Variants in E2F8 observed in about 807,000 individuals in gnomAD.
The protein encoded by E2F8 is transcription factor E2F8.
In E2F8, 35 loss-of-function variants were observed where a neutral mutation model predicts 80.8. The observed-to-expected ratio is 0.43, with a 90% CI of 0.33 to 0.57. E2F8 has a LOEUF of 0.57. Among genes scored for constraint, E2F8 ranks in the 20% least tolerant of loss-of-function variants. E2F8 has a pLI of 0.04. For synonymous variants in E2F8, 386 were observed against 395.0 expected (o/e 0.98, Z 0.27); for missense variants, 975 against 1,056.2 (o/e 0.92, Z 1.07).
At position 19,234,510 on chromosome 11, in the gene E2F8, TG is replaced by T; in HGVS notation, c.777del (p.Asn259LysfsTer8). The T allele has an allele frequency of 6.2e-7, 1 of 1,613,762 alleles. No homozygotes were observed. Among genetic ancestry groups the T allele is most frequent in the Non-Finnish European group, 8.5e-7 (1 of 1,179,950 alleles). On this transcript the variant is annotated frameshift_variant, in exon 6 of 13. Coordinates refer to ENST00000250024, the MANE Select transcript of E2F8 (RefSeq NM_024680.4). LOFTEE classifies it high-confidence loss of function. The stretch of plus-strand genomic sequence containing the variant: ...ACCCTTAAAGACTTGTCTTTGCGGC[TG>T]TTTACAGAAGCTTTAGAGAAGGATG... Reference protein sequence around the residue: ...PGVEFRAASVNSRKDKSLRVM... With the variant: ...PGVEFRAASVXSRKDKSLRVM...
chr11:19,228,055 A>G (rs866008417), intron 10 of E2F8, among the ~76,000 whole-genome samples: 2 of 152,232 alleles, frequency 1.3e-5, no homozygotes, highest in Non-Finnish European at 2.9e-5. Context: ...ACTGCACTCC[A>G]TTCTGGGTGA....
intron 3 of E2F8, 99 bp downstream of exon 3, chr11:19,237,755 T>G: frequency 4.1e-6 from 6 of 1,454,126 alleles, no homozygotes; most frequent in Non-Finnish European, 5.6e-6. Context: ...AGCCTTCGGG[T>G]GGTGATGCTT....
At chr11:19,232,992 AT>A (rs1851420448) in intron 6 of E2F8, among the ~76,000 whole-genome samples, 1 of 152,186 alleles carries the variant, frequency 6.6e-6, no homozygotes, top group African/African-American at 2.4e-5. Flanking sequence ...CTTCCTAGCC[AT>A]ATCAGAAGGT....
Position 19,229,361 on chromosome 11 carries a change from A to T in E2F8, c.1893+93T>A, listed in dbSNP as rs1179091333. The T allele has an allele frequency of 1.3e-6, 2 of 1,486,174 alleles. No individual in the cohort carries two copies. The highest frequency in any genetic ancestry group is 2.8e-5 in the African/African-American group (2 of 71,014). 92.1% of individuals were successfully genotyped at this position (1,486,174 alleles called of 1,614,324 possible). ...AAGGAACAGTTCCTTGTCTTCTGAG[A>T]GAATGCTCTTCGGTAAATTTCACAA... On this transcript the variant is annotated intron_variant, in intron 10 of 12. Transcript: ENST00000250024. The surrounding 1 kb of genome is among the most constrained non-coding windows in gnomAD (Gnocchi z 4.3).
chr11:19,224,711 T>C lies in E2F8; in HGVS notation c.2551A>G (p.Thr851Ala). 1.2e-6 allele frequency: 2 copies of C among 1,614,170 alleles called. No homozygotes were observed. Among genetic ancestry groups the C allele is most frequent in the Non-Finnish European group, 8.5e-7 (1 of 1,180,024 alleles). ...FEGANKTSLG[T>A]LFVPQRKLEV... Reference sequence around the variant, plus strand: ...AGTTTTCGCTGTGGGACAAAGAGAGTTCCTAAGGAGGTTTTATTAGCACCC... The same window carrying C: ...AGTTTTCGCTGTGGGACAAAGAGAGCTCCTAAGGAGGTTTTATTAGCACCC... The change falls in exon 13 of 13, where the codon ACT (threonine) becomes GCT (alanine). Residue 851 changes from threonine to alanine, a missense_variant. By Grantham distance (58) the Thr-to-Ala change is moderately conservative (BLOSUM62 0). Coordinates refer to ENST00000250024, the MANE Select transcript of E2F8 (RefSeq NM_024680.4).
In E2F8 at chr11:19,235,072, G is replaced by A. The variant is rs756987120; in HGVS notation, c.452-14C>T. ...GACGTTCAACATCTACAAAGAATGT[G>A]CAATTGTGTGTTACAGATTTTTGTA... On this transcript the variant is annotated splice_polypyrimidine_tract_variant and intron_variant, in intron 4 of 12. Transcript: ENST00000250024. The A allele has an allele frequency of 1.3e-5, 20 of 1,582,556 alleles. No homozygotes were observed. In the Admixed American group the frequency reaches 2.5e-4, roughly 20 times the overall value.
At chr11:19,227,070 G>C (rs1245257146) in intron 10 of E2F8, among the ~76,000 whole-genome samples, 1 of 152,186 alleles carries the variant, frequency 6.6e-6, no homozygotes, top group Non-Finnish European at 1.5e-5. Flanking sequence ...GCCTTACCAT[G>C]AGCGGGACTG....
At position 19,229,756 on chromosome 11, in the gene E2F8, G is replaced by A. The variant is rs1851325433; in HGVS notation, c.1591C>T (p.His531Tyr). The A allele has an allele frequency of 6.2e-7, 1 of 1,614,088 alleles. No individual in the cohort carries two copies. The highest frequency in any genetic ancestry group is 1.1e-5 in the South Asian group (1 of 91,090). ...CCTTGGGGTGGCGTCACACTTTGGT[G>A]GGCTTGAGTGGGCTGCAGGTAGATG... is the stretch of plus-strand genomic sequence containing the variant. The part of the protein sequence containing the change: ...YAIYLQPTQA[H>Y]QSVTPPQGLS... Residue 531 changes from histidine to tyrosine, a missense_variant, in exon 10 of 13, where the codon CAC becomes TAC. Coordinates refer to ENST00000250024, the MANE Select transcript of E2F8 (RefSeq NM_024680.4). The surrounding 1 kb of genome is among the most constrained non-coding windows in gnomAD (Gnocchi z 4.3).
chr11:19,230,991 T>A (rs1367175883), intron 7 of E2F8, among the ~76,000 whole-genome samples, 157 bp from the exon 8 acceptor site: 1 of 152,224 alleles, frequency 6.6e-6, no homozygotes, highest in African/African-American at 2.4e-5. Flanking sequence ...GCCTTGTTTA[T>A]CTTATTAAAT....
chr11:19,228,641 C>G (rs954578100), intron 10 of E2F8, among the ~76,000 whole-genome samples: 2 of 152,154 alleles, frequency 1.3e-5, no homozygotes, highest in African/African-American at 4.8e-5. Flanking sequence ...AAAAATAAGA[C>G]AGAGAGAAGT....
In E2F8 at chr11:19,224,484, T is replaced by C. The variant is rs575652508; in HGVS notation, c.*174A>G. Reference sequence around the variant, plus strand: ...ATACAAATATATGTGTGTGTGTGTGTGTGTGTGTGTGTGTATATATATATA... The same window carrying C: ...ATACAAATATATGTGTGTGTGTGTGCGTGTGTGTGTGTGTATATATATATA... On this transcript the variant is annotated 3_prime_UTR_variant, in exon 13 of 13. Transcript: ENST00000250024. The C allele has an allele frequency of 8.4e-5, 45 of 534,714 alleles. No homozygotes were observed. The African/African-American group carries it at 8.6e-4, about 10-fold the overall frequency. 33.1% of individuals were successfully genotyped at this position (534,714 alleles called of 1,614,324 possible). A position where few individuals can be genotyped will look rare whatever the true frequency, so the allele number is the denominator to read the frequency against.
Position 19,229,807 on chromosome 11 carries a change from G to T in E2F8, c.1540C>A (p.Gln514Lys). The change falls in exon 10 of 13, where the codon CAG becomes AAG. Residue 514 changes from glutamine (Q) to lysine (K), a missense_variant. Physicochemically the swap from Gln to Lys is moderately conservative, Grantham distance 53. Transcript: ENST00000250024. The surrounding 1 kb of genome is among the most constrained non-coding windows in gnomAD (Gnocchi z 4.3). Reference protein sequence around the residue: ...LSSAVPLILPQAPSGPSYAIY... With the variant: ...LSSAVPLILPKAPSGPSYAIY... Reference sequence around the variant, plus strand: ...GCATAGGATGGGCCTGAAGGGGCCTGAGGTAGGATCAGGGGCACTGCTGAT... The same window carrying T: ...GCATAGGATGGGCCTGAAGGGGCCTTAGGTAGGATCAGGGGCACTGCTGAT... 6.2e-7 allele frequency: 1 copy of T among 1,614,000 alleles called. No individual in the cohort carries two copies. The highest frequency in any genetic ancestry group is 8.5e-7 in the Non-Finnish European group (1 of 1,179,942).
chr11:19,225,699 C>A, intron 11 of E2F8, 33 bp downstream of exon 11: 1 of 1,613,170 alleles, frequency 6.2e-7, no homozygotes. Flanking sequence ...TTGAGACCGG[C>A]CCACATCTGG....
rs147168485 is a variant in E2F8, at chr11:19,239,054, T to A, written c.16-922A>T. Among the ~76,000 whole-genome samples, 175 of 152,316 alleles carry A rather than the reference T, an allele frequency of 1.1e-3. 2 individuals carry two copies. Among genetic ancestry groups the A allele is most frequent in the African/African-American group, 3.9e-3 (163 of 41,554 alleles). On this transcript the variant is annotated intron_variant, in intron 2 of 12. Transcript: ENST00000250024. ...ACTTCACACACTACTCCCATCTTTA[T>A]CTATTTTAAAGAAAATGCTTGGAAC... is the stretch of plus-strand genomic sequence containing the variant.
Position 19,228,622 on chromosome 11 carries a change from C to A in E2F8, c.1893+832G>T, listed in dbSNP as rs1314197595. 2.0e-5 allele frequency among the ~76,000 whole-genome samples: 3 copies of A among 152,260 alleles called. No individual in the cohort carries two copies. The East Asian group carries it at 5.8e-4, about 29-fold the overall frequency. ...AAAAACTGGTGGAATAAATTCTTTA[C>A]CGATGCGGAAAAATAAGACAGAGAG... On this transcript the variant is annotated intron_variant, in intron 10 of 12. Coordinates refer to ENST00000250024, the MANE Select transcript of E2F8 (RefSeq NM_024680.4).
chr11:19,229,630 C>A lies in E2F8; in HGVS notation c.1717G>T (p.Ala573Ser), dbSNP rs761982109. ...TEKAANDTSK[A>S]SASTRPGSLL... Reference sequence around the variant, plus strand: ...CTTCCAGGCCTGGTAGAGGCACTGGCCTTTGAGGTATCATTGGCTGCCTTC... The same window carrying A: ...CTTCCAGGCCTGGTAGAGGCACTGGACTTTGAGGTATCATTGGCTGCCTTC... Residue 573 changes from alanine to serine, a missense_variant, in exon 10 of 13, where the codon GCC (alanine) becomes TCC (serine). Ala to Ser is a moderately conservative substitution (Grantham distance 99). Coordinates refer to ENST00000250024, the MANE Select transcript of E2F8 (RefSeq NM_024680.4). The surrounding 1 kb of genome is among the most constrained non-coding windows in gnomAD (Gnocchi z 4.3). 6.2e-7 allele frequency: 1 copy of A among 1,614,182 alleles called. No individual in the cohort carries two copies. Among genetic ancestry groups the A allele is most frequent in the Admixed American group, 1.7e-5 (1 of 60,024 alleles).
Position 19,225,449 on chromosome 11 carries a change from T to C in E2F8, c.2193A>G (p.Ser731=), listed in dbSNP as rs1489695742. Reference sequence around the variant, plus strand: ...GCTGCAGGGTGAAGTTTACAATGGCTGAGCTTGGGTTCTGGATGGGAACAG... The same window carrying C: ...GCTGCAGGGTGAAGTTTACAATGGCCGAGCTTGGGTTCTGGATGGGAACAG... ...SHPVPIQNPS[S]AIVNFTLQHL... Residue 731 remains serine, a synonymous_variant, in exon 12 of 13, where the codon TCA becomes TCG. Transcript: ENST00000250024. 1 of 1,614,198 alleles carries C rather than the reference T, an allele frequency of 6.2e-7. No individual in the cohort carries two copies. Among genetic ancestry groups the C allele is most frequent in the Admixed American group, 1.7e-5 (1 of 60,014 alleles).
chr11:19,231,737 G>A (rs577029812), intron 7 of E2F8, among the ~76,000 whole-genome samples: 3 of 152,276 alleles, frequency 2.0e-5, no homozygotes, highest in South Asian at 4.1e-4. Flanking sequence ...TCAACTTTCC[G>A]AATGCTTTCA....
At chr11:19,224,888 T>C (rs1015375948) in intron 12 of E2F8, 48 bp from the exon 13 acceptor site, 1 of 1,597,074 alleles carries the variant, frequency 6.3e-7, no homozygotes, top group African/African-American at 1.3e-5. Context: ...CACACACAGG[T>C]ACATAGTCTT....
Sources: gnomAD v4.1 joint callset for allele counts (sites outside exome capture counted in the v4.1 genomes callset) on GRCh38, gnomAD v4.1.1 for gene constraint, Gnocchi (gnomAD v3.1) non-coding constraint, MANE v1.5 for transcripts, NCBI Gene and HGNC (gene_info 2026-07-23, HGNC 2026-07-21) for gene names.